CAST: variants seen among roughly 807,000 people sequenced by gnomAD.
CAST encodes the protein calpastatin.
In CAST, 76 loss-of-function variants were observed where a neutral mutation model predicts 119.6. That is an observed-to-expected ratio of 0.64 (90% CI 0.53 to 0.77). CAST has a LOEUF of 0.77. Among genes scored for constraint, CAST ranks in the 30% least tolerant of loss-of-function variants. CAST has a pLI of 0.00. For synonymous variants in CAST, 319 were observed against 331.6 expected, an observed-to-expected ratio of 0.96 and a Z score of 0.41; for missense variants, 953 against 946.5, an observed-to-expected ratio of 1.01 and a Z score of -0.09.
At chr5:95,989,114 G>A in the CAST span, among the ~76,000 whole-genome samples, 2 of 152,026 alleles carry the variant, frequency 1.3e-5, no homozygotes, top group African/African-American at 4.8e-5. Context: ...AAAAAGCAAG[G>A]GATTGTTGAT....
At chr5:96,084,654 T>C in the CAST span, among the ~76,000 whole-genome samples, 1 of 152,156 alleles carries the variant, frequency 6.6e-6, no homozygotes, top group Non-Finnish European at 1.5e-5. Context: ...AGACTTAGAC[T>C]GGGAAGTAAA....
At chr5:96,063,662 G>A in the CAST span, among the ~76,000 whole-genome samples, 10 of 152,218 alleles carry the variant, frequency 6.6e-5, no homozygotes, top group South Asian at 2.1e-3. Flanking sequence ...TTCAGTATAC[G>A]ATTCTGGTGT....
the CAST span, among the ~76,000 whole-genome samples, chr5:96,434,468 A>G: frequency 6.6e-6 from 1 of 152,138 alleles, no homozygotes; most frequent in Non-Finnish European, 1.5e-5. Flanking sequence ...CAAAATAGGA[A>G]ATTGGCCGCA....
chr5:96,209,521 T>A, the CAST span, among the ~76,000 whole-genome samples: 3 of 152,032 alleles, frequency 2.0e-5, no homozygotes, highest in Admixed American at 2.0e-4. Flanking sequence ...TGATAATTAA[T>A]TCCTTTAGTG....
intron 2 of CAST, chr5:96,679,657 A>T (rs1248725130): frequency 6.6e-6 from 1 of 152,224 alleles, no homozygotes; most frequent in Non-Finnish European, 1.5e-5. Flanking sequence ...CACAAATAAA[A>T]GCGAACGGAA....
chr5:96,743,869 AG>A, intron 16 of CAST: 1 of 658,858 alleles, frequency 1.5e-6, no homozygotes, highest in South Asian at 2.0e-5. Context: ...TCCTGGGGGG[AG>A]TCAGGAGGCC....
intron 1 of CAST, chr5:96,545,271 GT>G (rs1745989002): frequency 2.0e-5 from 3 of 152,174 alleles, no homozygotes; most frequent in African/African-American, 7.2e-5. Context: ...AATCTCATAA[GT>G]ATTCAGCAAA....
At chr5:96,599,033 G>A (rs1466425882) in intron 1 of CAST, among the ~76,000 whole-genome samples, 5 of 152,146 alleles carry the variant, frequency 3.3e-5, no homozygotes, top group Non-Finnish European at 5.9e-5. Context: ...TCTGACCGTG[G>A]ATCTCTCAGA....
chr5:96,427,820 C>G, the CAST span, among the ~76,000 whole-genome samples: 15 of 152,232 alleles, frequency 9.9e-5, no homozygotes, highest in African/African-American at 3.4e-4. Flanking sequence ...CTGCTTAGCC[C>G]GGGGACTAAG....
rs369948335 is a variant in CAST, at chr5:96,770,652, G to A, written c.2340+50G>A. On this transcript the variant is annotated intron_variant, in intron 30 of 31. Coordinates refer to ENST00000675179, the MANE Select transcript of CAST (RefSeq NM_001750.7). Reference sequence around the variant, plus strand: ...CAAATTAGTTTAGCAGTTACACAGAGTAGGGTTTATCATTTCAGTCATTTA... The same window carrying A: ...CAAATTAGTTTAGCAGTTACACAGAATAGGGTTTATCATTTCAGTCATTTA... 179 of 1,225,088 alleles carry A rather than the reference G, an allele frequency of 1.5e-4. 1 individual carries two copies. Among genetic ancestry groups the A allele is most frequent in the Non-Finnish European group, 2.1e-4 (171 of 829,380 alleles). The allele number at this position is 1,225,088 out of a possible 1,614,324, so 75.9% of individuals were successfully genotyped here.
chr5:96,393,357 G>A, the CAST span: 2 of 1,613,908 alleles, frequency 1.2e-6, no homozygotes, highest in Non-Finnish European at 1.7e-6. Context: ...TTCTCCTTAG[G>A]GTTCTCTTGT....
the CAST span, among the ~76,000 whole-genome samples, chr5:96,431,617 G>C: frequency 6.6e-6 from 1 of 152,128 alleles, no homozygotes; most frequent in Non-Finnish European, 1.5e-5. Context: ...TCTGCTGCTG[G>C]GACACCAGGA....
chr5:96,282,443 T>C, the CAST span, among the ~76,000 whole-genome samples: 2 of 152,192 alleles, frequency 1.3e-5, no homozygotes. Context: ...GGCAATGAGA[T>C]GTGAACATTG....
the CAST span, among the ~76,000 whole-genome samples, chr5:96,376,959 T>G: frequency 6.6e-6 from 1 of 152,120 alleles, no homozygotes; most frequent in Admixed American, 6.5e-5. Context: ...ATCCTGATTC[T>G]GTGTAGGCCT....
At chr5:96,082,052 T>C in the CAST span, among the ~76,000 whole-genome samples, 1 of 152,164 alleles carries the variant, frequency 6.6e-6, no homozygotes, top group African/African-American at 2.4e-5. Flanking sequence ...TAGCTGGAAC[T>C]ACAGGCGCAC....
the CAST span, among the ~76,000 whole-genome samples, chr5:96,493,702 T>C: frequency 1.3e-5 from 2 of 152,114 alleles, no homozygotes; most frequent in Non-Finnish European, 2.9e-5. Flanking sequence ...AAGAAAAGCA[T>C]CAAAATATAA....
At chr5:96,549,694 T>C (rs263378) in intron 1 of CAST, among the ~76,000 whole-genome samples, 78,443 of 152,102 alleles carry the variant, frequency 0.52, 20,456 homozygotes, top group Admixed American at 0.55. Context: ...TGCCCAAATA[T>C]TGCACTTTTC....
chr5:96,363,361 A>G, the CAST span, among the ~76,000 whole-genome samples: 19 of 149,882 alleles, frequency 1.3e-4, 1 homozygote, highest in East Asian at 3.3e-3. Context: ...GTTTTTTCCA[A>G]TTCTGTGAAG....
chr5:96,730,947 T>C (rs1486356347), intron 9 of CAST, 87 bp downstream of exon 9: 15 of 1,021,436 alleles, frequency 1.5e-5, no homozygotes, highest in Non-Finnish European at 2.3e-5. Flanking sequence ...TAACCTATCA[T>C]CTGGCAAAAC....
Sources: gnomAD v4.1 joint callset for allele counts (sites outside exome capture counted in the v4.1 genomes callset) on GRCh38, gnomAD v4.1.1 for gene constraint, MANE v1.5 for transcripts, NCBI Gene and HGNC (gene_info 2026-07-23, HGNC 2026-07-21) for gene names.